The following RNF220 variants were observed in gnomAD, a reference collection of about 807,000 sequenced individuals.
RNF220 encodes E3 ubiquitin-protein ligase RNF220.
In RNF220, 7 loss-of-function variants were observed where a neutral mutation model predicts 67.1. The observed-to-expected ratio is 0.10, with a 90% CI of 0.06 to 0.20. The LOEUF (loss-of-function observed/expected upper bound fraction) is 0.20, where lower values mean the gene tolerates loss of function less well. RNF220 is among the 10% of genes least tolerant of loss of function. The pLI, the probability that RNF220 is intolerant of heterozygous loss-of-function variation, is 1.00. For missense variants in RNF220, 565 were observed against 740.3 expected, an observed-to-expected ratio of 0.76 and a Z score of 2.75; for synonymous variants, 270 against 283.2, an observed-to-expected ratio of 0.95 and a Z score of 0.47.
intron 2 of RNF220, among the ~76,000 whole-genome samples, chr1:44,526,167 G>A (rs1372133652): frequency 2.0e-5 from 3 of 151,914 alleles, no homozygotes; most frequent in Non-Finnish European, 2.9e-5. Context: ...CTCTATTTCC[G>A]GCCTGTGATG....
intron 2 of RNF220, among the ~76,000 whole-genome samples, chr1:44,553,650 A>G (rs1322524730): frequency 6.6e-6 from 1 of 152,238 alleles, no homozygotes; most frequent in Non-Finnish European, 1.5e-5. Context: ...CATGGTAGAC[A>G]AAGTAGGATA....
rs1408988735 is a variant in RNF220, at chr1:44,436,623, G to A, written c.625+23901G>A. On this transcript the variant is annotated intron_variant, in intron 2 of 14. Coordinates refer to ENST00000361799, the MANE Select transcript of RNF220 (RefSeq NM_018150.4). ...CACTCTTGACAAAACATGATTTTCT[G>A]GTTCACATCAAAAAGGCTTTAAAAG... Among the ~76,000 whole-genome samples, 9 of 152,078 alleles carry A rather than the reference G, an allele frequency of 5.9e-5. No homozygotes were observed. In the East Asian group the frequency reaches 1.7e-3, roughly 29 times the overall value.
rs1188624521 is a variant in RNF220, at chr1:44,575,059, T to G, written c.626-39106T>G. On this transcript the variant is annotated intron_variant, in intron 2 of 14. Transcript: ENST00000361799. ...CTAACTATTTTGAAATATACATCAT[T>G]GTTAACTATAGTCATCCTACTCTGC... Among the ~76,000 whole-genome samples the G allele has an allele frequency of 7.9e-5, 12 of 152,316 alleles. No homozygotes were observed. The South Asian group carries it at 1.2e-3, about 16-fold the overall frequency.
intron 2 of RNF220, among the ~76,000 whole-genome samples, chr1:44,605,946 G>C (rs904692196): frequency 2.6e-5 from 4 of 152,164 alleles, no homozygotes; most frequent in African/African-American, 9.7e-5. Context: ...GCTGTTCCCA[G>C]GACATCCCTG....
intron 1 of RNF220, among the ~76,000 whole-genome samples, chr1:44,411,493 G>C (rs1454350055): frequency 6.6e-6 from 1 of 152,128 alleles, no homozygotes; most frequent in Non-Finnish European, 1.5e-5. Flanking sequence ...ACTTGAATTA[G>C]GGATATTTCA....
At chr1:44,457,948 T>G (rs988034275) in intron 2 of RNF220, among the ~76,000 whole-genome samples, 1 of 152,122 alleles carries the variant, frequency 6.6e-6, no homozygotes, top group Non-Finnish European at 1.5e-5. Context: ...GGATTTTGGC[T>G]TCGGCTTCTT....
Position 44,636,076 on chromosome 1 carries a change from A to G in RNF220, c.1040A>G (p.His347Arg). The change falls in exon 8 of 15, where the codon CAT becomes CGT. Residue 347 changes from histidine (H) to arginine (R), a missense_variant. Coordinates refer to ENST00000361799, the MANE Select transcript of RNF220 (RefSeq NM_018150.4). ...GAGGATGATGCTGTGGACATCGAGC[A>G]TGAGAACAACAACCGCTTTGAGGAG... ...MAEDDAVDIE[H>R]ENNNRFEEYE... 3 of 1,614,258 alleles carry G rather than the reference A, an allele frequency of 1.9e-6. No homozygotes were observed. Among genetic ancestry groups the G allele is most frequent in the Non-Finnish European group, 2.5e-6 (3 of 1,180,046 alleles).
intron 2 of RNF220, among the ~76,000 whole-genome samples, chr1:44,531,813 T>C (rs1277238871): frequency 6.6e-6 from 1 of 152,214 alleles, no homozygotes; most frequent in Non-Finnish European, 1.5e-5. Flanking sequence ...GGGAGCTCAT[T>C]ATTCTTCAAA....
chr1:44,521,017 T>G (rs906729600), intron 2 of RNF220, among the ~76,000 whole-genome samples: 1 of 152,182 alleles, frequency 6.6e-6, no homozygotes, highest in African/African-American at 2.4e-5. Context: ...CACCTCAGCC[T>G]CCCAAGTAAC....
chr1:44,488,094 C>T (rs556044523), intron 2 of RNF220, among the ~76,000 whole-genome samples: 1 of 150,824 alleles, frequency 6.6e-6, no homozygotes, highest in African/African-American at 2.4e-5. Context: ...CCTCAGTCTC[C>T]TGAGTAGCTG....
chr1:44,465,852 TG>T (rs1488849378), intron 2 of RNF220, among the ~76,000 whole-genome samples: 1 of 152,246 alleles, frequency 6.6e-6, no homozygotes, highest in African/African-American at 2.4e-5. Flanking sequence ...AATGATCATC[TG>T]AGCCTTCAGC....
intron 2 of RNF220, among the ~76,000 whole-genome samples, chr1:44,514,674 A>G (rs918110657): frequency 1.3e-5 from 2 of 152,190 alleles, no homozygotes; most frequent in Non-Finnish European, 2.9e-5. Flanking sequence ...CTATTGGGCT[A>G]CTTTTTAGAT....
rs1434600444 is a variant in RNF220, at chr1:44,412,974, T to C, written c.625+252T>C. Among the ~76,000 whole-genome samples, 2 of 152,158 alleles carry C rather than the reference T, an allele frequency of 1.3e-5. No individual in the cohort carries two copies. The highest frequency in any genetic ancestry group is 2.9e-5 in the Non-Finnish European group (2 of 68,022). On this transcript the variant is annotated intron_variant, in intron 2 of 14. Coordinates refer to ENST00000361799, the MANE Select transcript of RNF220 (RefSeq NM_018150.4). This position sits in a 1 kb window ranked among gnomAD's most constrained non-coding sequence, Gnocchi z 5.3. ...CCTTTCTCTCCGGACCCTAGTGGGC[T>C]TATTCTCTGAGGACTTGAGTGAAGA...
rs1322052489 is a variant in RNF220, at chr1:44,520,120, T to TGA, written c.626-94044_626-94043insAG. Among the ~76,000 whole-genome samples the TGA allele has an allele frequency of 9.1e-3, 1,288 of 141,528 alleles. 10 individuals are homozygous for TGA. Among genetic ancestry groups the TGA allele is most frequent in the African/African-American group, 0.032 (1,159 of 36,624 alleles). The allele number at this position is 141,528 out of a possible 152,430, so 92.8% of individuals were successfully genotyped here. On this transcript the variant is annotated intron_variant, in intron 2 of 14. Transcript: ENST00000361799. Reference sequence around the variant, plus strand: ...GTGTGTGTGTGTGTGTGTGTGTGTGTGTGTGTGTGAGAGAGAGAGAGAGAG... The same window carrying TGA: ...GTGTGTGTGTGTGTGTGTGTGTGTGTGAGTGTGTGTGAGAGAGAGAGAGAGAG...
chr1:44,598,771 G>A (rs1216378308), intron 2 of RNF220, among the ~76,000 whole-genome samples: 2 of 152,200 alleles, frequency 1.3e-5, no homozygotes, highest in Non-Finnish European at 2.9e-5. Context: ...ATGACCACTT[G>A]ATATTTTGGT....
intron 2 of RNF220, among the ~76,000 whole-genome samples, chr1:44,413,854 CCT>C (rs553626979): frequency 1.6e-4 from 24 of 152,334 alleles, no homozygotes; most frequent in African/African-American, 4.6e-4. Context: ...AGCTCTCTCC[CCT>C]GTCGCCACTG....
In RNF220 at chr1:44,645,834, C is replaced by T. The variant is rs1300973784; in HGVS notation, c.1445+346C>T. On this transcript the variant is annotated intron_variant, in intron 12 of 14. Coordinates refer to ENST00000361799, the MANE Select transcript of RNF220 (RefSeq NM_018150.4). This position sits in a 1 kb window ranked among gnomAD's most constrained non-coding sequence, Gnocchi z 5.0. ...TCATCTCCAGTTTCTGTTTCTTAAT[C>T]GGGAGCTAAATTGGTTTCATTTTTC... Among the ~76,000 whole-genome samples the T allele has an allele frequency of 6.6e-6, 1 of 152,234 alleles. No homozygotes were observed. The highest frequency in any genetic ancestry group is 2.4e-5 in the African/African-American group (1 of 41,466).
At position 44,647,074 on chromosome 1, in the gene RNF220, G is replaced by A. The variant is rs927997035; in HGVS notation, c.1445+1586G>A. On this transcript the variant is annotated intron_variant, in intron 12 of 14. Transcript: ENST00000361799. ...AGCACATCCAGGATAGGTAGGCTCT[G>A]GAGTTGGCTATTGGCCTTCAGTGGG... Among the ~76,000 whole-genome samples the A allele has an allele frequency of 7.2e-5, 11 of 152,332 alleles. No individual in the cohort carries two copies. The East Asian group carries it at 2.1e-3, about 29-fold the overall frequency.
intron 2 of RNF220, among the ~76,000 whole-genome samples, chr1:44,464,576 C>T (rs1654097639): frequency 6.6e-6 from 1 of 152,132 alleles, no homozygotes; most frequent in South Asian, 2.1e-4. Context: ...ATCTGTGTGG[C>T]AGAGAAGATG....
Sources: allele counts gnomAD v4.1 joint callset (sites outside exome capture counted in the v4.1 genomes callset), GRCh38; gene constraint gnomAD v4.1.1; non-coding constraint Gnocchi (gnomAD v3.1); transcripts MANE v1.5; gene names NCBI Gene and HGNC (gene_info 2026-07-23, HGNC 2026-07-21).